RTEL1: variants seen among roughly 807,000 people sequenced by gnomAD.
RTEL1 encodes the protein regulator of telomere elongation helicase 1, also known as regulator of telomere length.
A neutral mutation model predicts 162.2 loss-of-function variants in RTEL1; 86 were observed. That is an observed-to-expected ratio of 0.53 (90% CI 0.45 to 0.63). RTEL1 has a LOEUF of 0.63. Ranked by LOEUF, RTEL1 falls within the 30% of genes least tolerant of loss-of-function variation. The probability of loss-of-function intolerance (pLI) is 0.00; values close to 1 mark genes in which losing one functional copy is unlikely to be tolerated. For missense variants in RTEL1, 1,941 were observed against 1,750.2 expected (o/e 1.11, Z -1.95); for synonymous variants, 958 against 717.9 (o/e 1.33, Z -5.35).
At chr20:63,673,535 C>T (rs1290384515) in intron 9 of RTEL1, among the ~76,000 whole-genome samples, 1 of 152,102 alleles carries the variant, frequency 6.6e-6, no homozygotes. Context: ...ACCTCCTGGG[C>T]TCAAGCCATC....
At position 63,690,330 on chromosome 20, in the gene RTEL1, G is replaced by A. The variant is rs1411545864; in HGVS notation, c.2302G>A (p.Val768Met). The A allele has an allele frequency of 4.3e-6, 7 of 1,610,436 alleles. No homozygotes were observed. Among genetic ancestry groups the A allele is most frequent in the Non-Finnish European group, 5.9e-6 (7 of 1,178,628 alleles). Reference protein sequence around the residue: ...APAPRATAPSVRGEDAVSEAK... With the variant: ...APAPRATAPSMRGEDAVSEAK... ...GGCCCCCCGGGCTACAGCACCCAGTGTGCGTGGAGAAGATGCTGTCAGCGA... is the reference window on the plus strand; with the variant it reads ...GGCCCCCCGGGCTACAGCACCCAGTATGCGTGGAGAAGATGCTGTCAGCGA... The change falls in exon 26 of 35, where the codon GTG (valine) becomes ATG (methionine). Residue 768 changes from valine (V) to methionine (M), a missense_variant. Coordinates refer to ENST00000360203, the MANE Select transcript of RTEL1 (RefSeq NM_001283009.2).
intron 6 of RTEL1, among the ~76,000 whole-genome samples, chr20:63,665,739 C>T (rs964432892): frequency 6.6e-6 from 1 of 152,166 alleles, no homozygotes; most frequent in East Asian, 1.9e-4. Flanking sequence ...GCGTAGAACC[C>T]TCGGGATCCT....
Position 63,679,901 on chromosome 20 carries a change from T to C in RTEL1, c.1090T>C (p.Cys364Arg). 6.2e-7 allele frequency: 1 copy of C among 1,612,550 alleles called. No individual in the cohort carries two copies. The highest frequency in any genetic ancestry group is 1.1e-5 in the South Asian group (1 of 91,042). ...EAQITFQTKG[C>R]ILDSLDQIIQ... ...CCAGATCACGTTTCAGACCAAGGGC[T>C]GCATCCTGGACTCGCTGGACCAGAT... Residue 364 changes from cysteine to arginine, a missense_variant, in exon 13 of 35, where the codon TGC becomes CGC. By Grantham distance (180) the Cys-to-Arg change is radical. Transcript: ENST00000360203.
intron 21 of RTEL1, 40 bp from the exon 22 acceptor site, chr20:63,689,015 G>T (rs372941057): frequency 1.7e-5 from 26 of 1,567,044 alleles, no homozygotes; most frequent in South Asian, 3.3e-5. Context: ...AAGGGGCTGG[G>T]GGGGGGCTCC....
chr20:63,689,469 C>T (rs774686034), intron 22 of RTEL1, 33 bp from the exon 23 acceptor site: 128 of 1,500,294 alleles, frequency 8.5e-5, no homozygotes, highest in South Asian at 2.0e-4. Flanking sequence ...GGAGCCCCCA[C>T]GGCCCCAGGC....
intron 7 of RTEL1, among the ~76,000 whole-genome samples, chr20:63,666,591 A>G (rs2090133300): frequency 6.6e-6 from 1 of 152,124 alleles, no homozygotes; most frequent in Non-Finnish European, 1.5e-5. Flanking sequence ...GCTGCAGTGC[A>G]GTGTCACAGT....
chr20:63,666,866 G>A (rs1310958672), intron 7 of RTEL1, among the ~76,000 whole-genome samples: 1 of 127,832 alleles, frequency 7.8e-6, no homozygotes, highest in Non-Finnish European at 1.6e-5. Flanking sequence ...TTGAGACGGA[G>A]TCTCGCTCTG....
chr20:63,689,259 G>C (rs1237415043), intron 22 of RTEL1, 127 bp downstream of exon 22: 2 of 959,868 alleles, frequency 2.1e-6, no homozygotes, highest in Non-Finnish European at 3.1e-6. Flanking sequence ...GAGAGCGACT[G>C]CTGGCCCTGC....
At position 63,694,381 on chromosome 20, in the gene RTEL1, C is replaced by T. The variant is rs150072861; in HGVS notation, c.3002C>T (p.Ala1001Val). ...QPVLDPTGRT[A>V]PDPKLTVSTA... ...TACATCTCTTCATCAGGAAGAACGG[C>T]GCCGGATCCCAAGCTGACCGTGTCC... is the stretch of plus-strand genomic sequence containing the variant. Residue 1001 changes from alanine to valine, a missense_variant, in exon 31 of 35, where the codon GCG (alanine) becomes GTG (valine). Transcript: ENST00000360203. The T allele has an allele frequency of 1.8e-5, 29 of 1,611,892 alleles. No homozygotes were observed. Among genetic ancestry groups the T allele is most frequent in the South Asian group, 3.3e-5 (3 of 91,068 alleles).
In RTEL1 at chr20:63,690,870, G is replaced by T; in HGVS notation, c.2479G>T (p.Ala827Ser). Reference sequence around the variant, plus strand: ...GGAGTATGAGCAGGAGCCAGTTCCTGCCCGGCAGAGGCCCAGGGGGCTGCT... The same window carrying T: ...GGAGTATGAGCAGGAGCCAGTTCCTTCCCGGCAGAGGCCCAGGGGGCTGCT... Reference protein sequence around the residue: ...CVEYEQEPVPARQRPRGLLAA... With the variant: ...CVEYEQEPVPSRQRPRGLLAA... Residue 827 changes from alanine to serine, a missense_variant, in exon 27 of 35, where the codon GCC becomes TCC. Physicochemically the swap from Ala to Ser is moderately conservative, Grantham distance 99. Transcript: ENST00000360203. 6.3e-7 allele frequency: 1 copy of T among 1,599,562 alleles called. No homozygotes were observed. Among genetic ancestry groups the T allele is most frequent in the Non-Finnish European group, 8.5e-7 (1 of 1,174,378 alleles).
chr20:63,685,937 A>G, intron 16 of RTEL1, 65 bp downstream of exon 16: 1 of 1,485,716 alleles, frequency 6.7e-7, no homozygotes, highest in South Asian at 1.2e-5. Flanking sequence ...ACCATGCCAC[A>G]GGCTAGGCAC....
chr20:63,682,620 A>C, intron 14 of RTEL1: 1 of 985,878 alleles, frequency 1.0e-6, no homozygotes, highest in Non-Finnish European at 1.2e-6. Flanking sequence ...GAGGGACTGC[A>C]CACAGTGCTC....
At chr20:63,693,448 G>GCACCACCCC (rs1317237188) in intron 30 of RTEL1, among the ~76,000 whole-genome samples, 165 bp downstream of exon 30, 1 of 42,320 alleles carries the variant, frequency 2.4e-5, no homozygotes, top group African/African-American at 9.6e-5. Flanking sequence ...AGCACCAGCA[G>GCACCACCCC]CACCACCTCC....
Position 63,688,515 on chromosome 20 carries a change from CT to C in RTEL1, c.1723-11del. The C allele has an allele frequency of 6.2e-7, 1 of 1,609,664 alleles. No homozygotes were observed. Among genetic ancestry groups the C allele is most frequent in the Non-Finnish European group, 8.5e-7 (1 of 1,179,164 alleles). ...GACCAGGGCTGCCGTGTCCCTGCCTCTTCCTCCCACAGGCCCGCGACTTGGC... is the reference window on the plus strand; with the variant it reads ...GACCAGGGCTGCCGTGTCCCTGCCTCTCCTCCCACAGGCCCGCGACTTGGC... On this transcript the variant is annotated splice_polypyrimidine_tract_variant and intron_variant, in intron 20 of 34. Coordinates refer to ENST00000360203, the MANE Select transcript of RTEL1 (RefSeq NM_001283009.2).
At chr20:63,675,867 C>G (rs1454725621) in intron 10 of RTEL1, among the ~76,000 whole-genome samples, 1 of 152,182 alleles carries the variant, frequency 6.6e-6, no homozygotes, top group Non-Finnish European at 1.5e-5. Flanking sequence ...TCGGCAGCTG[C>G]CATTTCATCG....
chr20:63,667,411 T>G (rs1011947476), intron 7 of RTEL1, 58 bp from the exon 8 acceptor site: 1 of 1,392,652 alleles, frequency 7.2e-7, no homozygotes, highest in African/African-American at 1.4e-5. Context: ...CATGGCGGCC[T>G]CGGGGCACCG....
In RTEL1 at chr20:63,659,560, G is replaced by T. The variant is rs543148818; in HGVS notation, c.102+56G>T. The stretch of plus-strand genomic sequence containing the variant: ...GGGTGGGTGGAGCTTCAGCCAGGAC[G>T]GGGTGTGCTTCCCTCTCCCGGCCCA... On this transcript the variant is annotated intron_variant, in intron 2 of 34. Transcript: ENST00000360203. 14 of 1,334,622 alleles carry T rather than the reference G, an allele frequency of 1.0e-5. No homozygotes were observed. In the African/African-American group the frequency reaches 1.4e-4, roughly 14 times the overall value. 82.7% of individuals were successfully genotyped at this position (1,334,622 alleles called of 1,614,324 possible). A position where few individuals can be genotyped will look rare whatever the true frequency, so the allele number is the denominator to read the frequency against.
At chr20:63,681,942 G>A in intron 14 of RTEL1, 7 of 985,418 alleles carry the variant, frequency 7.1e-6, no homozygotes, top group Non-Finnish European at 8.4e-6. Context: ...CATGGAGTGT[G>A]GTTGGCTCTT....
chr20:63,664,556 C>T (rs190425909), intron 6 of RTEL1, among the ~76,000 whole-genome samples: 2 of 152,204 alleles, frequency 1.3e-5, no homozygotes, highest in East Asian at 3.9e-4. Context: ...CTCCTCCAGG[C>T]CTGTGGACTC....
Sources: allele counts gnomAD v4.1 joint callset (sites outside exome capture counted in the v4.1 genomes callset), GRCh38; gene constraint gnomAD v4.1.1; transcripts MANE v1.5; gene names NCBI Gene and HGNC (gene_info 2026-07-23, HGNC 2026-07-21).